Variants in PKN2 observed in about 807,000 individuals in gnomAD.
PKN2 encodes the protein serine/threonine-protein kinase N2.
In PKN2, 38 loss-of-function variants were observed where a neutral mutation model predicts 119.1. The ratio of observed to expected loss-of-function variants is 0.32; its 90% CI spans 0.25 to 0.42. The LOEUF is 0.42. Ranked by LOEUF, PKN2 falls within the 10% of genes least tolerant of loss-of-function variation. PKN2 has a pLI of 1.00. For synonymous variants in PKN2, 390 were observed against 384.9 expected (o/e 1.01, Z -0.15); for missense variants, 850 against 1,165.1 (o/e 0.73, Z 3.94).
chr1:88,776,075 T>C (rs1164395074), intron 6 of PKN2, among the ~76,000 whole-genome samples: 11 of 149,166 alleles, frequency 7.4e-5, no homozygotes, highest in Admixed American at 1.3e-4. Flanking sequence ...GCCACTGCAC[T>C]CCAGCCTGGG....
At chr1:88,696,354 G>A (rs751201398) in intron 1 of PKN2, among the ~76,000 whole-genome samples, 4 of 152,286 alleles carry the variant, frequency 2.6e-5, no homozygotes, top group Middle Eastern at 3.4e-3. Flanking sequence ...AGGGTAAGAT[G>A]TATAGCCAGA....
chr1:88,833,553 G>A lies in PKN2; in HGVS notation c.*105G>A. ...ACCAATAGCTTCTGAGTTTTTTGTT[G>A]TTGTTGTTTTTATTGAAACACGTGA... On this transcript the variant is annotated 3_prime_UTR_variant, in exon 22 of 22. Coordinates refer to ENST00000370521, the MANE Select transcript of PKN2 (RefSeq NM_006256.4). 2.4e-6 allele frequency: 2 copies of A among 827,128 alleles called. No homozygotes were observed. The highest frequency in any genetic ancestry group is 1.7e-5 in the South Asian group (1 of 59,252). The allele number at this position is 827,128 out of a possible 1,614,324, so 51.2% of individuals were successfully genotyped here. A position where few individuals can be genotyped will look rare whatever the true frequency, so the allele number is the denominator to read the frequency against.
At chr1:88,722,758 G>A (rs1422296345) in intron 1 of PKN2, among the ~76,000 whole-genome samples, 1 of 151,572 alleles carries the variant, frequency 6.6e-6, no homozygotes, top group Non-Finnish European at 1.5e-5. Flanking sequence ...GCTCTAGCTT[G>A]GGTGACAGTG....
At chr1:88,789,889 A>G (rs975877365) in intron 8 of PKN2, among the ~76,000 whole-genome samples, 3 of 152,132 alleles carry the variant, frequency 2.0e-5, no homozygotes, top group East Asian at 1.9e-4. Context: ...AAGATTGTCC[A>G]TAGATGAACC....
At chr1:88,684,792 T>G in intron 1 of PKN2, 164 bp downstream of exon 1, 1 of 574,060 alleles carries the variant, frequency 1.7e-6, no homozygotes, top group Non-Finnish European at 2.9e-6. Flanking sequence ...GGGGAACCGC[T>G]TCCCTGGGGA....
chr1:88,759,674 T>G (rs774446738), intron 2 of PKN2, among the ~76,000 whole-genome samples: 25 of 152,190 alleles, frequency 1.6e-4, no homozygotes, highest in Non-Finnish European at 3.5e-4. Flanking sequence ...CCTCTTTAAT[T>G]TAATTAGATC....
chr1:88,787,690 C>A (rs1329473422), intron 8 of PKN2, among the ~76,000 whole-genome samples: 2 of 152,196 alleles, frequency 1.3e-5, no homozygotes, highest in South Asian at 4.1e-4. Flanking sequence ...TCTTTCCCTG[C>A]CATTGTAATC....
At chr1:88,721,803 T>C (rs1010097055) in intron 1 of PKN2, among the ~76,000 whole-genome samples, 19 of 152,210 alleles carry the variant, frequency 1.2e-4, no homozygotes, top group African/African-American at 4.1e-4. Flanking sequence ...TACATAGGCT[T>C]TGAATTTAGG....
At chr1:88,769,259 C>T (rs969631759) in intron 3 of PKN2, among the ~76,000 whole-genome samples, 1 of 152,212 alleles carries the variant, frequency 6.6e-6, no homozygotes, top group African/African-American at 2.4e-5. Flanking sequence ...TTAAGAAGGT[C>T]TCATTTTTTG....
At position 88,807,611 on chromosome 1, in the gene PKN2, T is replaced by TAA; in HGVS notation, c.2010+7_2010+8insAA. On this transcript the variant is annotated splice_region_variant and intron_variant, in intron 14 of 21. Coordinates refer to ENST00000370521, the MANE Select transcript of PKN2 (RefSeq NM_006256.4). ...AAGAGGACATTTTGGAAAGGTAATCTTTTTGGAATTTTTTGGAATATCTAC... is the reference window on the plus strand; with the variant it reads ...AAGAGGACATTTTGGAAAGGTAATCTAATTTTGGAATTTTTTGGAATATCTAC... 6.3e-7 allele frequency: 1 copy of TAA among 1,583,406 alleles called. No individual in the cohort carries two copies. The highest frequency in any genetic ancestry group is 8.7e-7 in the Non-Finnish European group (1 of 1,155,084).
chr1:88,736,834 C>T (rs1668367242), intron 1 of PKN2, among the ~76,000 whole-genome samples: 3 of 152,154 alleles, frequency 2.0e-5, no homozygotes, highest in Admixed American at 1.3e-4. Context: ...CTAGATGGCA[C>T]CGTAAGCCCA....
chr1:88,711,429 C>G (rs1478160939), intron 1 of PKN2, among the ~76,000 whole-genome samples: 2 of 152,110 alleles, frequency 1.3e-5, no homozygotes, highest in Admixed American at 6.6e-5. Context: ...AGTGTAAGAA[C>G]CTCAGATTTG....
chr1:88,823,876 G>A (rs1174020550), intron 17 of PKN2, among the ~76,000 whole-genome samples: 1 of 151,554 alleles, frequency 6.6e-6, no homozygotes, highest in Non-Finnish European at 1.5e-5. Context: ...GGGTGTAGTG[G>A]CACGCGACTG....
intron 1 of PKN2, among the ~76,000 whole-genome samples, chr1:88,722,827 T>C (rs1391322419): frequency 1.3e-5 from 2 of 151,400 alleles, no homozygotes; most frequent in Admixed American, 6.6e-5. Context: ...ATTGATTGAC[T>C]GTGATGTGCT....
intron 16 of PKN2, chr1:88,815,575 G>A (rs1671952982): frequency 5.9e-6 from 1 of 169,194 alleles, no homozygotes; most frequent in Non-Finnish European, 1.3e-5. Flanking sequence ...AGAATACCTG[G>A]AACATATTAG....
At chr1:88,723,239 G>C (rs1667761060) in intron 1 of PKN2, among the ~76,000 whole-genome samples, 1 of 150,684 alleles carries the variant, frequency 6.6e-6, no homozygotes, top group African/African-American at 2.4e-5. Flanking sequence ...TCAGCCTCAT[G>C]AGTAGCTGGG....
chr1:88,793,329 T>C (rs1020145772), intron 8 of PKN2, among the ~76,000 whole-genome samples: 1 of 152,210 alleles, frequency 6.6e-6, no homozygotes, highest in Admixed American at 6.5e-5. Flanking sequence ...GTTGTAATGT[T>C]TTTGATATTT....
At chr1:88,742,388 T>A (rs887779433) in intron 2 of PKN2, among the ~76,000 whole-genome samples, 1 of 152,192 alleles carries the variant, frequency 6.6e-6, no homozygotes, top group African/African-American at 2.4e-5. Flanking sequence ...GACATCACTT[T>A]CAACATCTGG....
chr1:88,806,179 A>T (rs902647385), intron 12 of PKN2, 162 bp downstream of exon 12: 2 of 658,336 alleles, frequency 3.0e-6, no homozygotes, highest in South Asian at 4.0e-5. Context: ...TTTGAGACAG[A>T]GTTTCACTCT....
Sources: allele counts gnomAD v4.1 joint callset (sites outside exome capture counted in the v4.1 genomes callset), GRCh38; gene constraint gnomAD v4.1.1; transcripts MANE v1.5; gene names NCBI Gene and HGNC (gene_info 2026-07-23, HGNC 2026-07-21).